TNNI3K: variants seen among roughly 807,000 people sequenced by gnomAD.
TNNI3K encodes the protein TNNI3 interacting kinase.
In TNNI3K, 140 loss-of-function variants were observed where a neutral mutation model predicts 114.5. The observed-to-expected ratio is 1.22, with a 90% confidence interval of 1.07 to 1.41. TNNI3K has a LOEUF of 1.41. TNNI3K is among the 40% of genes most tolerant of loss of function. The pLI, the probability that TNNI3K is intolerant of heterozygous loss-of-function variation, is 0.00. For missense variants in TNNI3K, 1,125 were observed against 1,007.6 expected (o/e 1.12, Z -1.58); for synonymous variants, 347 against 347.5 (o/e 1.00, Z 0.02).
intron 17 of TNNI3K, among the ~76,000 whole-genome samples, chr1:74,406,558 C>T (rs1252667375): frequency 2.0e-5 from 3 of 152,120 alleles, no homozygotes; most frequent in Admixed American, 2.0e-4. Flanking sequence ...GCCTTCAGCT[C>T]CAGAAAGTTC....
At chr1:74,383,534 G>A (rs962951435) in intron 17 of TNNI3K, among the ~76,000 whole-genome samples, 7 of 151,724 alleles carry the variant, frequency 4.6e-5, no homozygotes, top group East Asian at 1.9e-4. Flanking sequence ...CCTCCTACAC[G>A]TTCCCACAGC....
chr1:74,420,816 T>C (rs1665358278), intron 17 of TNNI3K, among the ~76,000 whole-genome samples: 1 of 152,146 alleles, frequency 6.6e-6, no homozygotes, highest in Admixed American at 6.6e-5. Flanking sequence ...AACTAACTGA[T>C]TTCAAATTTA....
Position 74,489,292 on chromosome 1 carries a change from C to T in TNNI3K, c.2181+44C>T, listed in dbSNP as rs1231513918. 4 of 1,581,458 alleles carry T rather than the reference C, an allele frequency of 2.5e-6. No individual in the cohort carries two copies. The African/African-American group carries it at 4.1e-5, about 16-fold the overall frequency. ...GAAATATGTCCATAAAAAAGCCCTG[C>T]ATATCCAAGGCTGTCAGGGAATGTA... On this transcript the variant is annotated intron_variant, in intron 22 of 24. Coordinates refer to ENST00000326637, the MANE Select transcript of TNNI3K (RefSeq NM_015978.3).
intron 23 of TNNI3K, among the ~76,000 whole-genome samples, chr1:74,533,770 G>A (rs927609969): frequency 6.6e-6 from 1 of 152,060 alleles, no homozygotes; most frequent in African/African-American, 2.4e-5. Flanking sequence ...TAGGGACATG[G>A]ATGAAATTGG....
intron 17 of TNNI3K, among the ~76,000 whole-genome samples, chr1:74,431,510 G>C (rs913321987): frequency 6.6e-6 from 1 of 152,052 alleles, no homozygotes; most frequent in Non-Finnish European, 1.5e-5. Context: ...TTCTAGCACA[G>C]AACTTAGCCT....
At chr1:74,497,386 C>T (rs1258474581) in intron 23 of TNNI3K, among the ~76,000 whole-genome samples, 3 of 152,028 alleles carry the variant, frequency 2.0e-5, no homozygotes, top group Admixed American at 1.3e-4. Context: ...CAAATATTCC[C>T]TTTTCTTCCA....
chr1:74,492,283 G>GCAAAT lies in TNNI3K; in HGVS notation c.2351+19_2351+23dup, dbSNP rs745508804. The GCAAAT allele has an allele frequency of 1.2e-5, 18 of 1,477,442 alleles. No individual in the cohort carries two copies. Among genetic ancestry groups the GCAAAT allele is most frequent in the Admixed American group, 1.9e-5 (1 of 53,402 alleles). The allele number at this position is 1,477,442 out of a possible 1,614,324, so 91.5% of individuals were successfully genotyped here. On this transcript the variant is annotated intron_variant, in intron 23 of 24. Coordinates refer to ENST00000326637, the MANE Select transcript of TNNI3K (RefSeq NM_015978.3). ...GTCCCAAAGGTGAGTGGTAATATAAGCAAATCTCACAGTAAAGTCTTATTT... is the reference window on the plus strand; with the variant it reads ...GTCCCAAAGGTGAGTGGTAATATAAGCAAATCAAATCTCACAGTAAAGTCTTATTT...
At chr1:74,542,660 C>T (rs571982495) in intron 24 of TNNI3K, among the ~76,000 whole-genome samples, 27 of 152,272 alleles carry the variant, frequency 1.8e-4, no homozygotes, top group African/African-American at 5.8e-4. Flanking sequence ...ATAAATATTT[C>T]GATCCAACTG....
intron 5 of TNNI3K, among the ~76,000 whole-genome samples, chr1:74,280,392 T>A (rs543675222): frequency 0.064 from 7,287 of 114,202 alleles, 220 homozygotes; most frequent in South Asian, 0.077. Context: ...AAAAAAAAAA[T>A]AAAATAAAAT....
At chr1:74,314,887 A>T (rs886438965) in intron 5 of TNNI3K, among the ~76,000 whole-genome samples, 12 of 152,164 alleles carry the variant, frequency 7.9e-5, no homozygotes, top group African/African-American at 2.9e-4. Context: ...TGAGTCATTT[A>T]TATCTTATAC....
At chr1:74,483,879 A>G (rs2100269685) in intron 21 of TNNI3K, among the ~76,000 whole-genome samples, 1 of 152,320 alleles carries the variant, frequency 6.6e-6, no homozygotes, top group East Asian at 1.9e-4. Context: ...TACTCCTTAT[A>G]GATTTAAATG....
At chr1:74,263,359 C>T (rs1655788117) in intron 4 of TNNI3K, among the ~76,000 whole-genome samples, 1 of 151,996 alleles carries the variant, frequency 6.6e-6, no homozygotes, top group South Asian at 2.1e-4. Flanking sequence ...TTATGAGCAT[C>T]ATCAAGGCAG....
rs374841489 is a variant in TNNI3K at position 74,251,129 on chromosome 1, G to A, written c.333+360G>A. ...GAACACCATGATGCCTCTGTGCAGAGAGAGATGAGGTTGTATTTAAAGACA... is the reference window on the plus strand; with the variant it reads ...GAACACCATGATGCCTCTGTGCAGAAAGAGATGAGGTTGTATTTAAAGACA... On this transcript the variant is annotated intron_variant, in intron 4 of 24. Coordinates refer to ENST00000326637, the MANE Select transcript of TNNI3K (RefSeq NM_015978.3). Among the ~76,000 whole-genome samples, 6 of 152,146 alleles carry A rather than the reference G, an allele frequency of 3.9e-5. No homozygotes were observed. In the South Asian group the frequency reaches 1.0e-3, roughly 26 times the overall value.
intron 21 of TNNI3K, chr1:74,480,687 C>A (rs1342730211): frequency 2.8e-6 from 2 of 717,346 alleles, no homozygotes; most frequent in South Asian, 1.5e-5. Flanking sequence ...AACCAAGACC[C>A]TCGTAGGGTG....
intron 23 of TNNI3K, among the ~76,000 whole-genome samples, chr1:74,514,635 T>C (rs1646322111): frequency 6.6e-6 from 1 of 152,064 alleles, no homozygotes; most frequent in Non-Finnish European, 1.5e-5. Flanking sequence ...TCTTCTGAGA[T>C]AGTAAGGGGG....
chr1:74,385,639 G>T (rs1203441293), intron 17 of TNNI3K, among the ~76,000 whole-genome samples: 1 of 152,132 alleles, frequency 6.6e-6, no homozygotes, highest in Non-Finnish European at 1.5e-5. Context: ...TACTAAGATG[G>T]CATTGATGAA....
chr1:74,301,119 G>A (rs767239847), intron 5 of TNNI3K, among the ~76,000 whole-genome samples: 1 of 152,134 alleles, frequency 6.6e-6, no homozygotes, highest in Non-Finnish European at 1.5e-5. Flanking sequence ...AAAGGGTAAG[G>A]CTGGGTGTGG....
At chr1:74,353,798 C>T (rs542858774) in intron 10 of TNNI3K, among the ~76,000 whole-genome samples, 182 bp from the exon 11 acceptor site, 60 of 152,088 alleles carry the variant, frequency 3.9e-4, no homozygotes, top group African/African-American at 1.2e-3. Flanking sequence ...AATATAATAC[C>T]CGTTTTGCTT....
intron 11 of TNNI3K, among the ~76,000 whole-genome samples, chr1:74,358,722 C>A (rs557577346): frequency 2.0e-4 from 30 of 151,846 alleles, no homozygotes; most frequent in African/African-American, 7.0e-4. Flanking sequence ...TTTTCGTATA[C>A]TGGTTATCTT....
Sources: allele counts gnomAD v4.1 joint callset (sites outside exome capture counted in the v4.1 genomes callset), GRCh38; gene constraint gnomAD v4.1.1; transcripts MANE v1.5; gene names NCBI Gene and HGNC (gene_info 2026-07-23, HGNC 2026-07-21).